The following UXS1 variants were observed in gnomAD, a reference collection of about 807,000 sequenced individuals.
UXS1 encodes the protein UDP-glucuronic acid decarboxylase 1.
Under a neutral mutation model 62.6 loss-of-function variants are expected in UXS1, and 33 were observed. The observed-to-expected ratio is 0.53, with a 90% CI of 0.40 to 0.70. The LOEUF (loss-of-function observed/expected upper bound fraction) is 0.70. UXS1 is among the 30% of genes least tolerant of loss of function. The probability of loss-of-function intolerance (pLI) is 0.00; values close to 1 mark genes in which losing one functional copy is unlikely to be tolerated. For missense variants in UXS1, 434 were observed against 556.3 expected, an observed-to-expected ratio of 0.78 and a Z score of 2.21; for synonymous variants, 213 against 206.8, an observed-to-expected ratio of 1.03 and a Z score of -0.26.
intron 5 of UXS1, among the ~76,000 whole-genome samples, chr2:106,146,080 A>G (rs1212833106): frequency 6.6e-6 from 1 of 152,244 alleles, no homozygotes; most frequent in Admixed American, 6.5e-5. Flanking sequence ...GTGAAAAGTC[A>G]ACTGCGCTTG....
Position 106,163,647 on chromosome 2 carries a change from A to G in UXS1, c.230+20T>C. ...CAAACTTATTTTAACTATTGACTTT[A>G]AGACAAAAAGTACACATACCTTTTT... On this transcript the variant is annotated intron_variant, in intron 4 of 14. Transcript: ENST00000283148. 6.9e-7 allele frequency: 1 copy of G among 1,454,532 alleles called. No homozygotes were observed. Among genetic ancestry groups the G allele is most frequent in the South Asian group, 1.4e-5 (1 of 73,500 alleles). 90.1% of individuals were successfully genotyped at this position (1,454,532 alleles called of 1,614,324 possible).
At chr2:106,158,262 C>T (rs1682608033) in intron 4 of UXS1, 144 bp from the exon 5 acceptor site, 1 of 679,734 alleles carries the variant, frequency 1.5e-6, no homozygotes, top group Non-Finnish European at 2.5e-6. Context: ...CTGGAGAAAC[C>T]AAGGAGTCAC....
intron 6 of UXS1, chr2:106,138,605 G>C (rs1680850173): frequency 3.0e-6 from 3 of 985,600 alleles, no homozygotes; most frequent in Non-Finnish European, 3.6e-6. Context: ...GCTGAGAGAA[G>C]AGATGAGCGT....
At chr2:106,161,885 G>A (rs756508006) in intron 4 of UXS1, among the ~76,000 whole-genome samples, 1 of 152,104 alleles carries the variant, frequency 6.6e-6, no homozygotes, top group East Asian at 1.9e-4. Context: ...AATATAACCT[G>A]TAACTTCCAA....
intron 9 of UXS1, among the ~76,000 whole-genome samples, chr2:106,116,144 T>A (rs1197298995): frequency 6.6e-6 from 1 of 152,096 alleles, no homozygotes; most frequent in African/African-American, 2.4e-5. Context: ...AGAGGAGTAA[T>A]GAAGGTACAG....
intron 9 of UXS1, among the ~76,000 whole-genome samples, chr2:106,114,960 C>T (rs17032423): frequency 0.015 from 2,256 of 152,298 alleles, 30 homozygotes; most frequent in Admixed American, 0.047. Context: ...AGTTTGTATG[C>T]CCATCTATCC....
intron 6 of UXS1, among the ~76,000 whole-genome samples, chr2:106,140,189 C>T (rs972059177): frequency 3.9e-5 from 6 of 152,210 alleles, no homozygotes; most frequent in African/African-American, 9.7e-5. Context: ...GCTCAGCCCC[C>T]GGGAGCTGGG....
intron 14 of UXS1, among the ~76,000 whole-genome samples, 196 bp from the exon 15 acceptor site, chr2:106,094,353 T>C (rs1306881586): frequency 6.6e-6 from 1 of 151,002 alleles, no homozygotes; most frequent in Non-Finnish European, 1.5e-5. Flanking sequence ...CCAGAAGTCC[T>C]TCAGGGCCGC....
At chr2:106,094,219 AG>A (rs1196294457) in intron 14 of UXS1, 62 bp from the exon 15 acceptor site, 2 of 1,604,324 alleles carry the variant, frequency 1.2e-6, no homozygotes, top group Admixed American at 3.5e-5. Flanking sequence ...CATCGCAGGA[AG>A]GAAGTGCCAC....
At chr2:106,188,349 T>TGGCC (rs1022476641) in intron 1 of UXS1, among the ~76,000 whole-genome samples, 1 of 152,140 alleles carries the variant, frequency 6.6e-6, no homozygotes, top group Non-Finnish European at 1.5e-5. Context: ...GGCAGTGGAA[T>TGGCC]GGCCCATTTA....
intron 11 of UXS1, 144 bp from the exon 12 acceptor site, chr2:106,101,262 A>C: frequency 1.3e-6 from 1 of 745,322 alleles, no homozygotes; most frequent in Non-Finnish European, 2.2e-6. Flanking sequence ...TCGAAACAAA[A>C]TCCTACAAAC....
chr2:106,161,552 G>A (rs1003708329), intron 4 of UXS1, among the ~76,000 whole-genome samples: 13 of 152,118 alleles, frequency 8.5e-5, no homozygotes, highest in Admixed American at 5.9e-4. Context: ...ATTCCTAAGC[G>A]AGAGAGAAAC....
intron 11 of UXS1, chr2:106,102,878 CTCA>C (rs1302286200): frequency 6.6e-6 from 1 of 152,218 alleles, no homozygotes; most frequent in African/African-American, 2.4e-5. Flanking sequence ...TCCCTGAAGC[CTCA>C]TCATCTCAGA....
chr2:106,108,596 TC>T (rs1390093275), intron 10 of UXS1, among the ~76,000 whole-genome samples: 1 of 152,164 alleles, frequency 6.6e-6, no homozygotes, highest in Non-Finnish European at 1.5e-5. Flanking sequence ...CCCTCTGGCT[TC>T]ATTTCACAGA....
At chr2:106,146,772 CA>C (rs55896853) in intron 5 of UXS1, among the ~76,000 whole-genome samples, 1,698 of 45,006 alleles carry the variant, frequency 0.038, 4 homozygotes, top group African/African-American at 0.084. Context: ...GACTCCATCT[CA>C]AAAAAAAAAA....
chr2:106,172,720 C>T (rs1483517411), intron 1 of UXS1, among the ~76,000 whole-genome samples: 2 of 152,178 alleles, frequency 1.3e-5, no homozygotes, highest in Non-Finnish European at 2.9e-5. Context: ...TTAAGTACCC[C>T]AGGTGACTGT....
chr2:106,097,866 T>A (rs1429112842), intron 13 of UXS1, among the ~76,000 whole-genome samples: 3 of 152,188 alleles, frequency 2.0e-5, no homozygotes, highest in Non-Finnish European at 4.4e-5. Flanking sequence ...GAGCCACAGA[T>A]GATGCAGGCT....
In UXS1 at chr2:106,104,853, C is replaced by T; in HGVS notation, c.880-16G>A. ...ATCCGTATACCTGGAAGGAAACCAACAGTTAGGCCTCCTGATAAAACCACA... is the reference window on the plus strand; with the variant it reads ...ATCCGTATACCTGGAAGGAAACCAATAGTTAGGCCTCCTGATAAAACCACA... On this transcript the variant is annotated splice_polypyrimidine_tract_variant and intron_variant, in intron 10 of 14. Transcript: ENST00000283148. 6.2e-7 allele frequency: 1 copy of T among 1,613,974 alleles called. No homozygotes were observed. The highest frequency in any genetic ancestry group is 8.5e-7 in the Non-Finnish European group (1 of 1,179,884).
intron 1 of UXS1, among the ~76,000 whole-genome samples, chr2:106,181,589 T>G (rs1388532173): frequency 6.6e-6 from 1 of 152,076 alleles, no homozygotes; most frequent in Non-Finnish European, 1.5e-5. Flanking sequence ...CATGGTGGCG[T>G]GCGCCTGTAG....
Sources: gnomAD v4.1 joint callset for allele counts (sites outside exome capture counted in the v4.1 genomes callset) on GRCh38, gnomAD v4.1.1 for gene constraint, MANE v1.5 for transcripts, NCBI Gene and HGNC (gene_info 2026-07-23, HGNC 2026-07-21) for gene names.